The following SFMBT2 variants were observed in gnomAD, a reference collection of about 807,000 sequenced individuals.
SFMBT2 encodes the protein Scm like with four mbt domains 2.
Under a neutral mutation model 110.1 loss-of-function variants are expected in SFMBT2, and 38 were observed. That is an observed-to-expected ratio of 0.35 (90% CI 0.27 to 0.45). SFMBT2 has a LOEUF of 0.45. SFMBT2 is among the 20% of genes least tolerant of loss of function. SFMBT2 has a pLI of 1.00. For synonymous variants in SFMBT2, 425 were observed against 425.4 expected (o/e 1.00, Z 0.01); for missense variants, 1,011 against 1,094.9 (o/e 0.92, Z 1.08).
chr10:7,319,940 C>T (rs753365644), intron 4 of SFMBT2, among the ~76,000 whole-genome samples: 14 of 134,852 alleles, frequency 1.0e-4, no homozygotes, highest in South Asian at 2.5e-4. Context: ...GAGAGAGACA[C>T]AGAGACTGAG....
chr10:7,189,877 C>G (rs1054338840), intron 15 of SFMBT2, among the ~76,000 whole-genome samples: 2 of 152,200 alleles, frequency 1.3e-5, no homozygotes, highest in African/African-American at 4.8e-5. Context: ...TTAATGGAGA[C>G]TATTACAAAA....
chr10:7,267,838 G>T (rs1397273104), intron 7 of SFMBT2, among the ~76,000 whole-genome samples: 4 of 152,168 alleles, frequency 2.6e-5, no homozygotes, highest in Non-Finnish European at 5.9e-5. Flanking sequence ...TGACATTTCA[G>T]GTATGTCCCT....
chr10:7,403,262 C>A (rs1846128057), intron 1 of SFMBT2, among the ~76,000 whole-genome samples: 1 of 152,178 alleles, frequency 6.6e-6, no homozygotes, highest in African/African-American at 2.4e-5. Context: ...CCCTGTATAA[C>A]CTCTCCAAAG....
chr10:7,265,098 T>A lies in SFMBT2; in HGVS notation c.870+11794A>T, dbSNP rs577785530. Among the ~76,000 whole-genome samples the A allele has an allele frequency of 3.3e-5, 5 of 151,536 alleles. No homozygotes were observed. In the South Asian group the frequency reaches 1.0e-3, roughly 32 times the overall value. On this transcript the variant is annotated intron_variant, in intron 7 of 20. Transcript: ENST00000397167. ...GTTTTGTTTTTTTAATGCTGAGATTTTAATTTTATGTTTTGATTTCTTTTT... is the reference window on the plus strand; with the variant it reads ...GTTTTGTTTTTTTAATGCTGAGATTATAATTTTATGTTTTGATTTCTTTTT...
chr10:7,267,220 C>T (rs1841420889), intron 7 of SFMBT2, among the ~76,000 whole-genome samples: 1 of 152,184 alleles, frequency 6.6e-6, no homozygotes, highest in South Asian at 2.1e-4. Context: ...CAGGAGGGGG[C>T]TCTGGAAGCT....
At chr10:7,224,981 A>C (rs555816470) in intron 10 of SFMBT2, among the ~76,000 whole-genome samples, 1 of 152,356 alleles carries the variant, frequency 6.6e-6, no homozygotes, top group South Asian at 2.1e-4. Context: ...AATGCATGTT[A>C]AGAAATCAAC....
At chr10:7,185,153 G>GT (rs1293985404) in intron 16 of SFMBT2, among the ~76,000 whole-genome samples, 1 of 152,160 alleles carries the variant, frequency 6.6e-6, no homozygotes, top group Non-Finnish European at 1.5e-5. Context: ...AAGCTGGCCT[G>GT]TTTGAATCAG....
intron 7 of SFMBT2, among the ~76,000 whole-genome samples, chr10:7,274,446 T>TA (rs1354187890): frequency 1.8e-4 from 28 of 152,284 alleles, no homozygotes; most frequent in African/African-American, 6.7e-4. Flanking sequence ...ATGCAGGCGG[T>TA]TTCTCCCATG....
intron 4 of SFMBT2, among the ~76,000 whole-genome samples, chr10:7,333,773 C>T (rs1309130912): frequency 6.6e-6 from 1 of 150,704 alleles, no homozygotes; most frequent in African/African-American, 2.4e-5. Flanking sequence ...CCCAGCTCCC[C>T]ACAGGGCCTC....
At position 7,206,706 on chromosome 10, in the gene SFMBT2, A is replaced by G. The variant is rs1839148347; in HGVS notation, c.1331-778T>C. 3 of 745,600 alleles carry G rather than the reference A, an allele frequency of 4.0e-6. No homozygotes were observed. The African/African-American group carries it at 5.7e-5, about 14-fold the overall frequency. 46.2% of individuals were successfully genotyped at this position (745,600 alleles called of 1,614,324 possible). On this transcript the variant is annotated intron_variant, in intron 11 of 20. Transcript: ENST00000397167. The stretch of plus-strand genomic sequence containing the variant: ...CAGCCATGAAACTCTGAAAAAGACA[A>G]GAAGACTGGATTTAACAGCAGCAAA...
At chr10:7,404,849 G>A (rs1331780437) in intron 1 of SFMBT2, among the ~76,000 whole-genome samples, 1 of 152,204 alleles carries the variant, frequency 6.6e-6, no homozygotes, top group Non-Finnish European at 1.5e-5. Flanking sequence ...TCAGCACAGT[G>A]ATGAACTGAT....
At chr10:7,283,437 G>C (rs545538489) in intron 6 of SFMBT2, among the ~76,000 whole-genome samples, 1 of 152,294 alleles carries the variant, frequency 6.6e-6, no homozygotes, top group African/African-American at 2.4e-5. Flanking sequence ...ATAAATAGAT[G>C]AATGCTGGAT....
chr10:7,362,707 CTCTCAGT>C (rs2132039443), intron 4 of SFMBT2, among the ~76,000 whole-genome samples: 1 of 152,388 alleles, frequency 6.6e-6, no homozygotes, highest in South Asian at 2.1e-4. Context: ...GGGCTAAAAA[CTCTCAGT>C]TCTCTGGTTC....
intron 1 of SFMBT2, among the ~76,000 whole-genome samples, chr10:7,388,806 C>T (rs1845691002): frequency 6.6e-6 from 1 of 152,070 alleles, no homozygotes; most frequent in Admixed American, 6.5e-5. Context: ...ACAGTAAGGG[C>T]CCGAGCCCTG....
At chr10:7,165,482 A>G (rs1037147995) in intron 20 of SFMBT2, among the ~76,000 whole-genome samples, 2 of 152,276 alleles carry the variant, frequency 1.3e-5, no homozygotes, top group Non-Finnish European at 2.9e-5. Context: ...ACTAATGTTA[A>G]GAGCAGGAAT....
chr10:7,333,392 CTTT>C (rs58271261), intron 4 of SFMBT2, among the ~76,000 whole-genome samples: 2 of 138,444 alleles, frequency 1.4e-5, no homozygotes, highest in African/African-American at 2.7e-5. Context: ...TGAGGCTTAC[CTTT>C]TTTTTTTTTT....
At chr10:7,221,626 T>C (rs1159808336) in intron 10 of SFMBT2, among the ~76,000 whole-genome samples, 1 of 151,864 alleles carries the variant, frequency 6.6e-6, no homozygotes, top group Admixed American at 6.6e-5. Flanking sequence ...TGATGATGAA[T>C]TCTTGTGGTT....
chr10:7,312,587 G>C (rs1465272930), intron 4 of SFMBT2, among the ~76,000 whole-genome samples: 2 of 152,144 alleles, frequency 1.3e-5, no homozygotes, highest in Non-Finnish European at 2.9e-5. Flanking sequence ...CCACTCACAG[G>C]GGTTTGAACT....
In SFMBT2 at chr10:7,171,087, G is replaced by A; in HGVS notation, c.2416-31C>T. On this transcript the variant is annotated intron_variant, in intron 19 of 20. Transcript: ENST00000397167. This position sits in a 1 kb window ranked among gnomAD's most constrained non-coding sequence, Gnocchi z 4.9. ...GAGAAAGGGCAGGAGGAGCTCAGCT[G>A]CGGCACAGTCAGCTGGCTGGGTCCT... is the stretch of plus-strand genomic sequence containing the variant. 1 of 1,613,570 alleles carries A rather than the reference G, an allele frequency of 6.2e-7. No individual in the cohort carries two copies. Among genetic ancestry groups the A allele is most frequent in the Non-Finnish European group, 8.5e-7 (1 of 1,179,816 alleles).
Sources: allele counts gnomAD v4.1 joint callset (sites outside exome capture counted in the v4.1 genomes callset), GRCh38; gene constraint gnomAD v4.1.1; non-coding constraint Gnocchi (gnomAD v3.1); transcripts MANE v1.5; gene names NCBI Gene and HGNC (gene_info 2026-07-23, HGNC 2026-07-21).